Variants in CNTNAP2 observed in about 807,000 individuals in gnomAD.
The protein encoded by CNTNAP2 is contactin associated protein 2.
A neutral mutation model predicts 155.2 loss-of-function variants in CNTNAP2; 98 were observed. That is an observed-to-expected ratio of 0.63 (90% confidence interval 0.54 to 0.75). The LOEUF is 0.75. Ranked by LOEUF, CNTNAP2 falls within the 30% of genes least tolerant of loss-of-function variation. The probability of loss-of-function intolerance (pLI) is 0.00; values close to 1 mark genes in which losing one functional copy is unlikely to be tolerated. For missense variants in CNTNAP2, 1,727 were observed against 1,688.1 expected, an observed-to-expected ratio of 1.02 and a Z score of -0.40; for synonymous variants, 651 against 631.2, an observed-to-expected ratio of 1.03 and a Z score of -0.47.
intron 13 of CNTNAP2, among the ~76,000 whole-genome samples, chr7:147,781,771 C>A (rs1797664660): frequency 6.6e-6 from 1 of 152,162 alleles, no homozygotes; most frequent in Non-Finnish European, 1.5e-5. Flanking sequence ...CGCCGGTAAT[C>A]CCAGCACTTT....
chr7:147,076,321 AT>A (rs1800000894), intron 4 of CNTNAP2, among the ~76,000 whole-genome samples: 1 of 152,164 alleles, frequency 6.6e-6, no homozygotes, highest in Non-Finnish European at 1.5e-5. Flanking sequence ...AATGAACACC[AT>A]TCTAACTGGT....
At chr7:146,752,703 A>C (rs1280310725) in intron 1 of CNTNAP2, among the ~76,000 whole-genome samples, 1 of 152,096 alleles carries the variant, frequency 6.6e-6, no homozygotes, top group African/African-American at 2.4e-5. Context: ...CATGCCTATA[A>C]CCTGAATGGT....
At chr7:147,790,380 T>G (rs1797801620) in intron 13 of CNTNAP2, among the ~76,000 whole-genome samples, 1 of 152,218 alleles carries the variant, frequency 6.6e-6, no homozygotes, top group Admixed American at 6.5e-5. Context: ...AATGCCTGCA[T>G]AGAGGAACAG....
intron 9 of CNTNAP2, among the ~76,000 whole-genome samples, chr7:147,355,886 A>T (rs962143559): frequency 6.6e-6 from 1 of 152,132 alleles, no homozygotes; most frequent in African/African-American, 2.4e-5. Flanking sequence ...TTCCTTCTGA[A>T]ACTATCCTGA....
chr7:147,672,763 A>G (rs1036065447), intron 13 of CNTNAP2: 6 of 152,148 alleles, frequency 3.9e-5, no homozygotes, highest in South Asian at 2.1e-4. Flanking sequence ...CTGTTATGCA[A>G]GGTACCACCA....
intron 9 of CNTNAP2, among the ~76,000 whole-genome samples, chr7:147,352,361 T>G (rs191114238): frequency 1.1e-4 from 17 of 152,110 alleles, no homozygotes; most frequent in Admixed American, 6.6e-4. Context: ...ACTAATAATG[T>G]ACACTTCATC....
At chr7:147,358,103 C>T (rs1006515972) in intron 9 of CNTNAP2, among the ~76,000 whole-genome samples, 1 of 152,176 alleles carries the variant, frequency 6.6e-6, no homozygotes, top group Admixed American at 6.6e-5. Flanking sequence ...GAAATGACAG[C>T]CCTGAAGGTA....
At chr7:147,122,665 G>T (rs1168073985) in intron 6 of CNTNAP2, 2 of 152,132 alleles carry the variant, frequency 1.3e-5, no homozygotes, top group Non-Finnish European at 2.9e-5. Context: ...TCATTAAAAG[G>T]AATGACACAT....
intron 1 of CNTNAP2, among the ~76,000 whole-genome samples, chr7:146,280,889 C>A (rs535433235): frequency 6.6e-5 from 10 of 152,240 alleles, no homozygotes; most frequent in South Asian, 6.2e-4. Flanking sequence ...GGCTCAGGAA[C>A]CTTCTGAGCC....
At chr7:148,320,012 A>T (rs905202612) in intron 21 of CNTNAP2, among the ~76,000 whole-genome samples, 4 of 152,118 alleles carry the variant, frequency 2.6e-5, no homozygotes, top group Non-Finnish European at 5.9e-5. Flanking sequence ...TGCTAGGTAG[A>T]ACTGCATTCT....
At position 146,337,091 on chromosome 7, in the gene CNTNAP2, T is replaced by A. The variant is rs567019122; in HGVS notation, c.97+220118T>A. ...GTTTAAATAGTGTGCTATAGTTACG[T>A]TAAATGAATTCATGGCAGAAACTTG... On this transcript the variant is annotated intron_variant, in intron 1 of 23. Coordinates refer to ENST00000361727, the MANE Select transcript of CNTNAP2 (RefSeq NM_014141.6). Among the ~76,000 whole-genome samples, 328 of 152,336 alleles carry A rather than the reference T, an allele frequency of 2.2e-3. 2 individuals carry two copies. Among genetic ancestry groups the A allele is most frequent in the African/African-American group, 7.3e-3 (305 of 41,584 alleles).
chr7:147,530,784 CA>C (rs2116724756), intron 11 of CNTNAP2, among the ~76,000 whole-genome samples: 1 of 152,222 alleles, frequency 6.6e-6, no homozygotes, highest in African/African-American at 2.4e-5. Flanking sequence ...AATAGTCCCC[CA>C]AAGTCTTAAC....
intron 1 of CNTNAP2, among the ~76,000 whole-genome samples, chr7:146,550,401 G>GTTGTTTTTT (rs1798097750): frequency 1.8e-5 from 1 of 54,382 alleles, no homozygotes; most frequent in African/African-American, 7.1e-5. Flanking sequence ...CCATTAATCT[G>GTTGTTTTTT]TTTTTTTTTT....
intron 11 of CNTNAP2, among the ~76,000 whole-genome samples, chr7:147,516,915 G>A (rs1799139266): frequency 6.9e-6 from 1 of 144,902 alleles, no homozygotes; most frequent in South Asian, 2.1e-4. Context: ...AGGATGCAGT[G>A]CAGTGGCGCA....
chr7:147,623,844 A>T (rs1314501835), intron 12 of CNTNAP2, among the ~76,000 whole-genome samples: 3 of 152,132 alleles, frequency 2.0e-5, no homozygotes, highest in African/African-American at 7.2e-5. Context: ...TGGAGGAATC[A>T]CATTACCTAA....
intron 8 of CNTNAP2, among the ~76,000 whole-genome samples, chr7:147,152,254 C>T (rs879753416): frequency 6.6e-5 from 10 of 151,656 alleles, no homozygotes; most frequent in Non-Finnish European, 1.3e-4. Context: ...CTGTTCTCTG[C>T]CTTCTGCTTG....
chr7:146,802,596 C>G (rs1477042255), intron 2 of CNTNAP2, among the ~76,000 whole-genome samples: 1 of 152,116 alleles, frequency 6.6e-6, no homozygotes, highest in Non-Finnish European at 1.5e-5. Flanking sequence ...GCACATCCTT[C>G]TTTGTTTCCT....
At chr7:146,293,371 G>T (rs1800462313) in intron 1 of CNTNAP2, among the ~76,000 whole-genome samples, 1 of 152,070 alleles carries the variant, frequency 6.6e-6, no homozygotes, top group South Asian at 2.1e-4. Context: ...AATAAAAATG[G>T]ATTAGAAAAT....
At chr7:146,572,075 G>A (rs1798449785) in intron 1 of CNTNAP2, among the ~76,000 whole-genome samples, 1 of 151,988 alleles carries the variant, frequency 6.6e-6, no homozygotes, top group Non-Finnish European at 1.5e-5. Flanking sequence ...ATATATTCTA[G>A]GGTTCTTTGA....
Sources: gnomAD v4.1 joint callset for allele counts (sites outside exome capture counted in the v4.1 genomes callset) on GRCh38, gnomAD v4.1.1 for gene constraint, MANE v1.5 for transcripts, NCBI Gene and HGNC (gene_info 2026-07-23, HGNC 2026-07-21) for gene names.